Variants in ROBO4 observed in about 807,000 individuals in gnomAD.
ROBO4 encodes the protein roundabout homolog 4.
Under a neutral mutation model 103.3 loss-of-function variants are expected in ROBO4, and 80 were observed. The observed-to-expected ratio is 0.77, with a 90% confidence interval of 0.65 to 0.93. ROBO4 has a LOEUF of 0.93. Ranked by LOEUF, ROBO4 falls within the 40% of genes least tolerant of loss-of-function variation. The probability of loss-of-function intolerance (pLI) is 0.00; values close to 1 mark genes in which losing one functional copy is unlikely to be tolerated. For synonymous variants in ROBO4, 504 were observed against 529.7 expected, an observed-to-expected ratio of 0.95 and a Z score of 0.67; for missense variants, 1,333 against 1,305.3, an observed-to-expected ratio of 1.02 and a Z score of -0.33.
At position 124,886,445 on chromosome 11, in the gene ROBO4, A is replaced by AT; in HGVS notation, c.2794+18dup. 6.3e-7 allele frequency: 1 copy of AT among 1,581,738 alleles called. No individual in the cohort carries two copies. Among genetic ancestry groups the AT allele is most frequent in the Non-Finnish European group, 8.7e-7 (1 of 1,153,106 alleles). ...GCAAGGGGCATGAGTGAGGAGTAAGATGGGGAGACCTCACATACCTATGAA... is the reference window on the plus strand; with the variant it reads ...GCAAGGGGCATGAGTGAGGAGTAAGATTGGGGAGACCTCACATACCTATGAA... On this transcript the variant is annotated intron_variant, in intron 16 of 17. Coordinates refer to ENST00000306534, the MANE Select transcript of ROBO4 (RefSeq NM_019055.6).
In ROBO4 at chr11:124,891,652, C is replaced by A. The variant is rs1394770387; in HGVS notation, c.1684+14G>T. On this transcript the variant is annotated intron_variant, in intron 11 of 17. Coordinates refer to ENST00000306534, the MANE Select transcript of ROBO4 (RefSeq NM_019055.6). ...GCCCCCAGCTAGGCCCTTGCCCCCA[C>A]TGAGCATGCTCACAGGAGCGACGAC... 9 of 1,614,094 alleles carry A rather than the reference C, an allele frequency of 5.6e-6. No individual in the cohort carries two copies. The East Asian group carries it at 2.0e-4, about 36-fold the overall frequency.
rs946298494 is a variant in ROBO4 at position 124,891,476 on chromosome 11, A to G, written c.1771T>C (p.Ser591Pro). 12 of 1,612,598 alleles carry G rather than the reference A, an allele frequency of 7.4e-6. No homozygotes were observed. In the African/African-American group the frequency reaches 1.6e-4, roughly 22 times the overall value. ...FYGSLIAELP[S>P]STPARPSPQV... ...GGACTTGGCCTGGCTGGGGTACTGGAGGGCAGCTCAGCGATGAGGGAGCCA... is the reference window on the plus strand; with the variant it reads ...GGACTTGGCCTGGCTGGGGTACTGGGGGGCAGCTCAGCGATGAGGGAGCCA... Residue 591 changes from serine (S) to proline (P), a missense_variant, in exon 12 of 18, where the codon TCC (serine) becomes CCC (proline). Coordinates refer to ENST00000306534, the MANE Select transcript of ROBO4 (RefSeq NM_019055.6).
intron 12 of ROBO4, among the ~76,000 whole-genome samples, chr11:124,888,278 GC>G (rs1281554950): frequency 6.6e-6 from 1 of 152,072 alleles, no homozygotes; most frequent in Non-Finnish European, 1.5e-5. Context: ...ATGAATTTTG[GC>G]TCAGTAAGAA....
In ROBO4 at chr11:124,885,199, T is replaced by C; in HGVS notation, c.2843A>G (p.Asn948Ser). 2.5e-6 allele frequency: 4 copies of C among 1,613,344 alleles called. No individual in the cohort carries two copies. The highest frequency in any genetic ancestry group is 3.4e-6 in the Non-Finnish European group (4 of 1,179,914). ...CCACTCCCACAGGGGCAGGGAGAGG[T>C]TGGGGGTCAGGAAGATCTCATCCCG... ...SPRDEIFLTP[N>S]LSLPLWEWRP... Residue 948 changes from asparagine (N) to serine (S), a missense_variant, in exon 17 of 18, where the codon AAC becomes AGC. Transcript: ENST00000306534.
At position 124,895,508 on chromosome 11, in the gene ROBO4, G is replaced by A. The variant is rs145659608; in HGVS notation, c.985C>T (p.Arg329Trp). The change falls in exon 6 of 18, where the codon CGG (arginine) becomes TGG (tryptophan). Residue 329 changes from arginine (R) to tryptophan (W), a missense_variant. Coordinates refer to ENST00000306534, the MANE Select transcript of ROBO4 (RefSeq NM_019055.6). ...YEFKVRPSSG[R>W]ARGPDSNVLL... The stretch of plus-strand genomic sequence containing the variant: ...ACGTTGCTGTCAGGGCCTCGAGCCC[G>A]GCCAGAGGATGGTCTCACTTTGAAC... 1.9e-4 allele frequency: 301 copies of A among 1,611,496 alleles called. 1 individual carries two copies. In the African/African-American group the frequency reaches 3.2e-3, roughly 17 times the overall value.
intron 16 of ROBO4, among the ~76,000 whole-genome samples, chr11:124,885,524 C>T (rs1206508274): frequency 6.6e-6 from 1 of 152,118 alleles, no homozygotes; most frequent in Non-Finnish European, 1.5e-5. Flanking sequence ...TCTTCTTCTG[C>T]CATCATGGGC....
intron 13 of ROBO4, 88 bp downstream of exon 13, chr11:124,887,645 G>A (rs1946737681): frequency 6.5e-7 from 1 of 1,531,892 alleles, no homozygotes; most frequent in Non-Finnish European, 8.9e-7. Flanking sequence ...AGGAGGATGA[G>A]CCCGTGGGAG....
At chr11:124,896,805 C>A in intron 2 of ROBO4, 127 bp downstream of exon 2, 1 of 1,513,680 alleles carries the variant, frequency 6.6e-7, no homozygotes, top group Non-Finnish European at 8.8e-7. Flanking sequence ...CTTGCCCTCC[C>A]AAGCCTTCCA....
intron 12 of ROBO4, among the ~76,000 whole-genome samples, chr11:124,889,716 G>T (rs1460551427): frequency 1.3e-5 from 2 of 152,234 alleles, no homozygotes; most frequent in East Asian, 1.9e-4. Context: ...CAAATAATAA[G>T]AAAAAGGAAC....
In ROBO4 at chr11:124,891,388, C is replaced by A; in HGVS notation, c.1859G>T (p.Ser620Ile). 2 of 1,568,916 alleles carry A rather than the reference C, an allele frequency of 1.3e-6. No homozygotes were observed. Among genetic ancestry groups the A allele is most frequent in the Non-Finnish European group, 1.7e-6 (2 of 1,156,860 alleles). ...CCTGCGGCTGCAGAGGCTGTCTGAG[C>A]TGGAACAGGGGCTGGAGAGCTGGGC... Reference protein sequence around the residue: ...QLAQLSSPCSSSDSLCSRRGL... With the variant: ...QLAQLSSPCSISDSLCSRRGL... The change falls in exon 12 of 18, where the codon AGC becomes ATC. Residue 620 changes from serine to isoleucine, a missense_variant. Ser to Ile is a moderately radical substitution (Grantham distance 142). Transcript: ENST00000306534.
chr11:124,894,096 C>G (rs963443851), intron 8 of ROBO4, 51 bp from the exon 9 acceptor site: 1 of 1,545,056 alleles, frequency 6.5e-7, no homozygotes, highest in African/African-American at 1.4e-5. Context: ...CATTGAGGGC[C>G]TGGCAGGCAA....
intron 7 of ROBO4, 87 bp from the exon 8 acceptor site, chr11:124,894,456 G>T: frequency 7.4e-7 from 1 of 1,353,142 alleles, no homozygotes; most frequent in Non-Finnish European, 1.0e-6. Flanking sequence ...CCAGGGGTGT[G>T]GTTATTCTGC....
intron 4 of ROBO4, 108 bp from the exon 5 acceptor site, chr11:124,896,020 A>C: frequency 6.4e-7 from 1 of 1,551,870 alleles, no homozygotes; most frequent in African/African-American, 1.4e-5. Flanking sequence ...AAACTCCCAG[A>C]GTCTCCAGGT....
Position 124,895,628 on chromosome 11 carries a change from C to T in ROBO4, c.865G>A (p.Ala289Thr). 6.2e-7 allele frequency: 1 copy of T among 1,613,834 alleles called. No individual in the cohort carries two copies. The highest frequency in any genetic ancestry group is 8.5e-7 in the Non-Finnish European group (1 of 1,180,022). ...SYTALFRTQT[A>T]PGGQGAPWAE... is the part of the protein sequence containing the mutation. ...CACGGAGCTCCCTGGCCTCCCGGGG[C>T]AGTCTGGGTCCTGAACAAGGCCGTG... The change falls in exon 6 of 18, where the codon GCC becomes ACC. Residue 289 changes from alanine (A) to threonine (T), a missense_variant. Physicochemically the swap from Ala to Thr is moderately conservative, Grantham distance 58. Coordinates refer to ENST00000306534, the MANE Select transcript of ROBO4 (RefSeq NM_019055.6).
chr11:124,893,629 G>C, intron 10 of ROBO4, 59 bp downstream of exon 10: 1 of 1,490,136 alleles, frequency 6.7e-7, no homozygotes, highest in Non-Finnish European at 9.4e-7. Context: ...CTTCTCTGTT[G>C]CAGCTCCACT....
intron 12 of ROBO4, among the ~76,000 whole-genome samples, chr11:124,890,598 G>A (rs1360344441): frequency 6.6e-6 from 1 of 152,222 alleles, no homozygotes; most frequent in Non-Finnish European, 1.5e-5. Flanking sequence ...CTTCCTGTCT[G>A]TAAAATTAGA....
At chr11:124,890,427 C>T (rs1946781602) in intron 12 of ROBO4, among the ~76,000 whole-genome samples, 1 of 152,112 alleles carries the variant, frequency 6.6e-6, no homozygotes, top group East Asian at 1.9e-4. Context: ...TTCTGCAGGC[C>T]AGAAATAGGA....
At chr11:124,888,075 G>C (rs1475763743) in intron 12 of ROBO4, among the ~76,000 whole-genome samples, 2 of 152,238 alleles carry the variant, frequency 1.3e-5, no homozygotes, top group Non-Finnish European at 2.9e-5. Context: ...TGTGACTTCA[G>C]GGCAGTCCAT....
intron 17 of ROBO4, 39 bp downstream of exon 17, chr11:124,885,002 G>T (rs1946687403): frequency 6.2e-7 from 1 of 1,613,742 alleles, no homozygotes; most frequent in Non-Finnish European, 8.5e-7. Flanking sequence ...AGGCCCTCTG[G>T]TCAAGATGAA....
Sources: allele counts gnomAD v4.1 joint callset (sites outside exome capture counted in the v4.1 genomes callset), GRCh38; gene constraint gnomAD v4.1.1; transcripts MANE v1.5; gene names NCBI Gene and HGNC (gene_info 2026-07-23, HGNC 2026-07-21).